The following TMEM63C variants were observed in gnomAD, a reference collection of about 807,000 sequenced individuals.
TMEM63C encodes transmembrane protein 63C.
A neutral mutation model predicts 99.2 loss-of-function variants in TMEM63C; 32 were observed. The observed-to-expected ratio is 0.32, with a 90% CI of 0.24 to 0.43. The LOEUF (loss-of-function observed/expected upper bound fraction) is 0.43. Ranked by LOEUF, TMEM63C falls within the 20% of genes least tolerant of loss-of-function variation. TMEM63C has a pLI of 1.00. For missense variants in TMEM63C, 826 were observed against 1,053.0 expected, an observed-to-expected ratio of 0.78 and a Z score of 2.98; for synonymous variants, 376 against 397.9, an observed-to-expected ratio of 0.94 and a Z score of 0.66.
At chr14:77,223,791 T>G (rs1286420914) in intron 5 of TMEM63C, among the ~76,000 whole-genome samples, 2 of 152,146 alleles carry the variant, frequency 1.3e-5, no homozygotes, top group African/African-American at 4.8e-5. Context: ...CCTGTGCACC[T>G]GTAGTGGAAG....
At chr14:77,182,903 A>G (rs577635317) in intron 1 of TMEM63C, among the ~76,000 whole-genome samples, 2 of 152,266 alleles carry the variant, frequency 1.3e-5, no homozygotes, top group South Asian at 4.1e-4. Flanking sequence ...CTCCTTCAAC[A>G]GCCTGCAGCG....
At chr14:77,196,272 C>G (rs1312248471) in intron 1 of TMEM63C, 2 of 152,462 alleles carry the variant, frequency 1.3e-5, no homozygotes, top group Non-Finnish European at 2.9e-5. Context: ...CAGGGCTAAG[C>G]CCTAGTGCCA....
intron 9 of TMEM63C, among the ~76,000 whole-genome samples, chr14:77,237,061 C>T (rs10150057): frequency 0.3 from 45,249 of 151,242 alleles, 7,844 homozygotes; most frequent in East Asian, 0.59. Flanking sequence ...TCCATCCTCT[C>T]ACCCCTAATG....
Position 77,242,418 on chromosome 14 carries a change from A to G in TMEM63C, c.1136A>G (p.Lys379Arg), listed in dbSNP as rs1369301142. ...PQQSSVTTIV[K>R]SYYWRVTMAP... ...CAGTCCTCAGTGACCACCATCGTCA[A>G]ATCATATTACTGGAGGGTCACTATG... The change falls in exon 14 of 24, where the codon AAA (lysine) becomes AGA (arginine). Residue 379 changes from lysine to arginine, a missense_variant. Transcript: ENST00000298351. 6.2e-7 allele frequency: 1 copy of G among 1,613,892 alleles called. No homozygotes were observed. Among genetic ancestry groups the G allele is most frequent in the Admixed American group, 1.7e-5 (1 of 60,020 alleles).
chr14:77,238,884 C>A, intron 10 of TMEM63C, 117 bp downstream of exon 10: 2 of 765,310 alleles, frequency 2.6e-6, no homozygotes, highest in Non-Finnish European at 2.2e-6. Flanking sequence ...CCCGGGGTGG[C>A]TCTCCCTGGA....
At chr14:77,196,834 C>G (rs916499591) in intron 1 of TMEM63C, among the ~76,000 whole-genome samples, 1 of 152,164 alleles carries the variant, frequency 6.6e-6, no homozygotes, top group Admixed American at 6.5e-5. Context: ...CAAAACAGCG[C>G]GGGAAGCCCT....
chr14:77,229,613 A>AATCTATATATATATATATATATAT (rs1888897135), intron 6 of TMEM63C, among the ~76,000 whole-genome samples: 1 of 117,936 alleles, frequency 8.5e-6, no homozygotes, highest in Non-Finnish European at 1.9e-5. Context: ...ACACCCAGCT[A>AATCTATATATATATATATATATAT]ATATATATAT....
At chr14:77,183,049 G>T (rs1393963516) in intron 1 of TMEM63C, among the ~76,000 whole-genome samples, 1 of 152,192 alleles carries the variant, frequency 6.6e-6, no homozygotes, top group Non-Finnish European at 1.5e-5. Flanking sequence ...GCCCTTAGAA[G>T]TGAACTTTCC....
intron 13 of TMEM63C, 22 bp from the exon 14 acceptor site, chr14:77,242,325 T>C (rs1363684930): frequency 6.2e-7 from 1 of 1,600,306 alleles, no homozygotes; most frequent in Non-Finnish European, 8.5e-7. Flanking sequence ...CCACATTTCT[T>C]CCTCTTCTCC....
intron 5 of TMEM63C, 97 bp from the exon 6 acceptor site, chr14:77,225,327 G>GA: frequency 1.7e-6 from 2 of 1,151,964 alleles, no homozygotes; most frequent in Admixed American, 2.6e-5. Flanking sequence ...GGACGCTGCC[G>GA]CGGCTGCCTC....
intron 23 of TMEM63C, 119 bp downstream of exon 23, chr14:77,253,495 G>A (rs1233764929): frequency 2.0e-5 from 20 of 976,674 alleles, no homozygotes; most frequent in Non-Finnish European, 3.0e-5. Flanking sequence ...GAAGGAGATG[G>A]GGGACCCCTG....
intron 9 of TMEM63C, among the ~76,000 whole-genome samples, chr14:77,237,952 C>G (rs1889089955): frequency 6.6e-6 from 1 of 152,208 alleles, no homozygotes; most frequent in African/African-American, 2.4e-5. Context: ...GAGTGCAAAT[C>G]CACATTCCCT....
At chr14:77,256,407 A>G (rs1467787192) in intron 23 of TMEM63C, 119 bp from the exon 24 acceptor site, 6 of 953,206 alleles carry the variant, frequency 6.3e-6, no homozygotes, top group Non-Finnish European at 1.6e-6. Context: ...GGAAGAAGGC[A>G]GGCTCCAAGG....
At chr14:77,251,451 C>T (rs1195744494) in intron 21 of TMEM63C, among the ~76,000 whole-genome samples, 3 of 152,128 alleles carry the variant, frequency 2.0e-5, no homozygotes, top group Non-Finnish European at 2.9e-5. Context: ...TCAGAGATGG[C>T]GTTGGGGGCA....
At chr14:77,213,333 G>A (rs184171157) in intron 1 of TMEM63C, 113 bp from the exon 2 acceptor site, 128 of 152,380 alleles carry the variant, frequency 8.4e-4, no homozygotes, top group African/African-American at 2.9e-3. Flanking sequence ...GATAAAGGAC[G>A]TGCATTTGAG....
intron 5 of TMEM63C, among the ~76,000 whole-genome samples, chr14:77,221,622 C>A (rs1888723553): frequency 1.4e-5 from 1 of 69,666 alleles, no homozygotes; most frequent in Non-Finnish European, 2.9e-5. Context: ...CCACTCCTCC[C>A]ACTCTCACCT....
intron 23 of TMEM63C, among the ~76,000 whole-genome samples, chr14:77,254,667 C>T (rs904424116): frequency 9.2e-5 from 14 of 152,176 alleles, no homozygotes; most frequent in Admixed American, 8.5e-4. Context: ...GAGTCCAGGG[C>T]ACCAAGCAAG....
chr14:77,186,776 G>GGTGTGTGT (rs750331360), intron 1 of TMEM63C, among the ~76,000 whole-genome samples: 4,193 of 138,458 alleles, frequency 0.03, 154 homozygotes, highest in African/African-American at 0.071. Flanking sequence ...GAACCAAAGG[G>GGTGTGTGT]GTGTGTGTGT....
At chr14:77,239,140 CT>C (rs1204328572) in intron 10 of TMEM63C, among the ~76,000 whole-genome samples, 1 of 152,254 alleles carries the variant, frequency 6.6e-6, no homozygotes, top group African/African-American at 2.4e-5. Context: ...AGCTAATTAT[CT>C]CTTCGTGAAC....
Sources: allele counts gnomAD v4.1 joint callset (sites outside exome capture counted in the v4.1 genomes callset), GRCh38; gene constraint gnomAD v4.1.1; transcripts MANE v1.5; gene names NCBI Gene and HGNC (gene_info 2026-07-23, HGNC 2026-07-21).